The following ASIC2 variants were observed in gnomAD, a reference collection of about 807,000 sequenced individuals.
ASIC2 encodes the protein acid-sensing ion channel 2.
ASIC2 carries 25 observed loss-of-function variants against 57.3 expected under a neutral mutation model. The ratio of observed to expected loss-of-function variants is 0.44; its 90% confidence interval spans 0.32 to 0.61. The LOEUF (loss-of-function observed/expected upper bound fraction) is 0.61, where lower values mean the gene tolerates loss of function less well. ASIC2 is among the 20% of genes least tolerant of loss of function. The probability of loss-of-function intolerance (pLI) is 0.06; values close to 1 mark genes in which losing one functional copy is unlikely to be tolerated. For missense variants in ASIC2, 641 were observed against 738.1 expected (o/e 0.87, Z 1.52); for synonymous variants, 319 against 307.5 (o/e 1.04, Z -0.39).
chr17:33,233,620 G>T lies in ASIC2; in HGVS notation c.708+57788C>A, dbSNP rs530349025. 5.6e-3 allele frequency among the ~76,000 whole-genome samples: 817 copies of T among 145,900 alleles called. 5 individuals are homozygous for T. Among genetic ancestry groups the T allele is most frequent in the Middle Eastern group, 0.029 (8 of 278 alleles). On this transcript the variant is annotated intron_variant, in intron 1 of 9. Coordinates refer to ENST00000225823, the MANE Select transcript of ASIC2 (RefSeq NM_183377.2). ...AGTCTCCACATCTGCCTTTCAACTG[G>T]TTTTTTTTTTTCTGAACGGCATCAG...
intron 1 of ASIC2, among the ~76,000 whole-genome samples, chr17:33,301,894 G>A (rs537924898): frequency 6.6e-6 from 1 of 152,242 alleles, no homozygotes; most frequent in Admixed American, 6.5e-5. Context: ...TGCCCACGAG[G>A]CTCACCTGGG....
chr17:33,026,045 C>T (rs1954315835), intron 4 of ASIC2, 63 bp from the exon 5 acceptor site: 17 of 1,580,048 alleles, frequency 1.1e-5, no homozygotes, highest in Non-Finnish European at 1.5e-5. Flanking sequence ...GCAACACCTC[C>T]TCTGCTTTGG....
At chr17:33,334,266 T>C (rs1328046416) in intron 1 of ASIC2, among the ~76,000 whole-genome samples, 1 of 152,200 alleles carries the variant, frequency 6.6e-6, no homozygotes, top group Non-Finnish European at 1.5e-5. Flanking sequence ...GGTGCTAATG[T>C]ACCCATTTCA....
intron 1 of ASIC2, among the ~76,000 whole-genome samples, chr17:33,233,134 G>A (rs922860011): frequency 6.6e-6 from 1 of 151,762 alleles, no homozygotes; most frequent in East Asian, 1.9e-4. Flanking sequence ...CTGTGCCTGT[G>A]CACCCCTTGG....
chr17:33,484,723 C>A (rs1290185436), intron 1 of ASIC2, among the ~76,000 whole-genome samples: 1 of 152,168 alleles, frequency 6.6e-6, no homozygotes, highest in Admixed American at 6.5e-5. Flanking sequence ...CTAGCTAAGG[C>A]AGGGACAGGG....
intron 1 of ASIC2, among the ~76,000 whole-genome samples, chr17:33,854,622 A>C (rs1913866088): frequency 6.6e-6 from 1 of 152,272 alleles, no homozygotes; most frequent in South Asian, 2.1e-4. Context: ...TCTTTACAGG[A>C]GCAAGATCTG....
At chr17:34,099,301 AAG>A (rs1048966924) in intron 1 of ASIC2, among the ~76,000 whole-genome samples, 12 of 147,412 alleles carry the variant, frequency 8.1e-5, no homozygotes, top group Admixed American at 2.0e-4. Context: ...GGAAGAAAGA[AAG>A]AGAAAGAAAG....
chr17:33,515,504 C>G (rs1044963564), intron 1 of ASIC2, among the ~76,000 whole-genome samples: 19 of 152,262 alleles, frequency 1.2e-4, no homozygotes, highest in Admixed American at 2.0e-4. Context: ...GATGAGAATA[C>G]TCACGTGTTC....
chr17:33,385,628 A>T (rs945170090), intron 1 of ASIC2, among the ~76,000 whole-genome samples: 2 of 152,238 alleles, frequency 1.3e-5, no homozygotes, highest in Non-Finnish European at 2.9e-5. Context: ...TAATGCAGCA[A>T]GTTCATTAGT....
At chr17:33,788,495 C>A (rs9911782) in intron 1 of ASIC2, among the ~76,000 whole-genome samples, 28 of 152,212 alleles carry the variant, frequency 1.8e-4, no homozygotes, top group African/African-American at 6.5e-4. Flanking sequence ...GACAGTATGG[C>A]GATTCCTCAA....
At chr17:33,230,852 C>T (rs979607191) in intron 1 of ASIC2, among the ~76,000 whole-genome samples, 2 of 152,098 alleles carry the variant, frequency 1.3e-5, no homozygotes, top group African/African-American at 4.8e-5. Context: ...GTGAGGTTCC[C>T]ACTTCAAGGT....
chr17:33,651,248 T>C (rs1020477251), intron 1 of ASIC2, among the ~76,000 whole-genome samples: 4 of 152,190 alleles, frequency 2.6e-5, no homozygotes, highest in African/African-American at 7.2e-5. Context: ...TTCCTGGTTT[T>C]GATCATTTGT....
intron 1 of ASIC2, among the ~76,000 whole-genome samples, chr17:33,507,731 A>T (rs1364327092): frequency 6.6e-6 from 1 of 152,092 alleles, no homozygotes; most frequent in Non-Finnish European, 1.5e-5. Context: ...GTGAAACCCC[A>T]TCTCTACTAA....
At chr17:33,320,923 C>T (rs1172380215) in intron 1 of ASIC2, among the ~76,000 whole-genome samples, 4 of 152,174 alleles carry the variant, frequency 2.6e-5, no homozygotes, top group African/African-American at 7.2e-5. Context: ...CAGTACCATT[C>T]GTTCTTACTG....
intron 1 of ASIC2, among the ~76,000 whole-genome samples, chr17:33,930,226 C>T (rs1163433565): frequency 1.3e-5 from 2 of 152,198 alleles, no homozygotes; most frequent in Non-Finnish European, 2.9e-5. Flanking sequence ...GTTTCCCCTG[C>T]CTTTGTTGTA....
chr17:33,436,853 C>CTTCT (rs1356302162), intron 1 of ASIC2, among the ~76,000 whole-genome samples: 3,018 of 66,608 alleles, frequency 0.045, 305 homozygotes, highest in South Asian at 0.076. Flanking sequence ...ATTCCAACTT[C>CTTCT]TTTTTTTTTT....
In ASIC2 at chr17:33,579,822, T is replaced by G. The variant is rs145989812; in HGVS notation, c.556-467755A>C. 4.8e-3 allele frequency among the ~76,000 whole-genome samples: 735 copies of G among 152,204 alleles called. 4 individuals carry two copies. Among genetic ancestry groups the G allele is most frequent in the African/African-American group, 0.016 (682 of 41,500 alleles). ...GAAAAACACCCCTTGGATTTCGGCG[T>G]CTGGCTCGGGTGGGCTGCATTTATT... On this transcript the variant is annotated intron_variant, in intron 1 of 9. Coordinates refer to the ASIC2 transcript ENST00000359872.
chr17:33,773,539 A>T (rs1321774883), intron 1 of ASIC2, among the ~76,000 whole-genome samples: 1 of 151,684 alleles, frequency 6.6e-6, no homozygotes, highest in Non-Finnish European at 1.5e-5. Context: ...AATTCTAGTC[A>T]TTTTCTCTCT....
intron 1 of ASIC2, among the ~76,000 whole-genome samples, chr17:33,623,030 C>T (rs779304344): frequency 8.9e-4 from 136 of 152,198 alleles, no homozygotes; most frequent in Non-Finnish European, 1.7e-3. Context: ...GAGACTTGGG[C>T]GATTGCTTGC....
Sources: allele counts gnomAD v4.1 joint callset (sites outside exome capture counted in the v4.1 genomes callset), GRCh38; gene constraint gnomAD v4.1.1; transcripts MANE v1.5; gene names NCBI Gene and HGNC (gene_info 2026-07-23, HGNC 2026-07-21).